The following ATG14 variants were observed in gnomAD, a reference collection of about 807,000 sequenced individuals.
ATG14 encodes the protein autophagy related 14.
ATG14 carries 35 observed loss-of-function variants against 60.4 expected under a neutral mutation model. The observed-to-expected ratio is 0.58, with a 90% CI of 0.44 to 0.77. The LOEUF (loss-of-function observed/expected upper bound fraction) is 0.77. Among genes scored for constraint, ATG14 ranks in the 30% least tolerant of loss-of-function variants. ATG14 has a pLI of 0.00. For synonymous variants in ATG14, 234 were observed against 228.8 expected (o/e 1.02, Z -0.21); for missense variants, 647 against 626.3 (o/e 1.03, Z -0.35).
intron 1 of ATG14, among the ~76,000 whole-genome samples, chr14:55,405,960 G>A (rs916973558): frequency 4.6e-5 from 7 of 152,092 alleles, no homozygotes; most frequent in South Asian, 2.1e-4. Context: ...GGGCAAGGTG[G>A]GGGATGAGGA....
rs557876290 is a variant in ATG14 at position 55,404,419 on chromosome 14, C to A, written c.222-6985G>T. ...GATGTGCCATCACTGCTCTGCCATG[C>A]GCAAGTAAGCACTCAATTTCCATCA... is the stretch of plus-strand genomic sequence containing the variant. On this transcript the variant is annotated intron_variant, in intron 1 of 9. Coordinates refer to ENST00000247178, the MANE Select transcript of ATG14 (RefSeq NM_014924.5). Among the ~76,000 whole-genome samples, 25 of 152,340 alleles carry A rather than the reference C, an allele frequency of 1.6e-4. 1 individual carries two copies. Among genetic ancestry groups the A allele is most frequent in the Admixed American group, 1.4e-3 (21 of 15,300 alleles).
At chr14:55,394,054 T>A (rs1885270696) in intron 3 of ATG14, among the ~76,000 whole-genome samples, 1 of 150,980 alleles carries the variant, frequency 6.6e-6, no homozygotes. Flanking sequence ...TCGCCCAGGC[T>A]GGAGTACAGT....
intron 9 of ATG14, among the ~76,000 whole-genome samples, chr14:55,372,780 C>T (rs1488804386): frequency 6.6e-6 from 1 of 152,126 alleles, no homozygotes; most frequent in Non-Finnish European, 1.5e-5. Flanking sequence ...CTTCTCCAAT[C>T]CTGGGGTCTT....
intron 9 of ATG14, among the ~76,000 whole-genome samples, chr14:55,370,307 G>C (rs1296103796): frequency 6.6e-6 from 1 of 152,096 alleles, no homozygotes; most frequent in Non-Finnish European, 1.5e-5. Flanking sequence ...CTAACAAAAA[G>C]CCACTTGATG....
At chr14:55,384,869 C>T (rs77876073) in intron 5 of ATG14, among the ~76,000 whole-genome samples, 5,041 of 152,252 alleles carry the variant, frequency 0.033, 131 homozygotes, top group Non-Finnish European at 0.05. Flanking sequence ...TCAGCAGCAG[C>T]ATCAGGGAAG....
chr14:55,405,891 G>A (rs1195961954), intron 1 of ATG14, among the ~76,000 whole-genome samples: 1 of 151,910 alleles, frequency 6.6e-6, no homozygotes, highest in Non-Finnish European at 1.5e-5. Flanking sequence ...TGGGGTGGCG[G>A]GGGGGGCAGG....
chr14:55,405,784 T>A (rs1885478770), intron 1 of ATG14, among the ~76,000 whole-genome samples: 1 of 152,114 alleles, frequency 6.6e-6, no homozygotes, highest in Non-Finnish European at 1.5e-5. Flanking sequence ...CTAATATCAT[T>A]CTTCTTCTTC....
intron 9 of ATG14, among the ~76,000 whole-genome samples, chr14:55,375,652 C>A (rs1179131559): frequency 1.3e-5 from 2 of 152,022 alleles, no homozygotes; most frequent in Non-Finnish European, 2.9e-5. Flanking sequence ...TTTGAACTAT[C>A]ATTTCAAACA....
chr14:55,407,288 G>A (rs571803489), intron 1 of ATG14, among the ~76,000 whole-genome samples: 3 of 152,122 alleles, frequency 2.0e-5, no homozygotes, highest in Non-Finnish European at 4.4e-5. Context: ...GTGCCACCAC[G>A]CCCAGCTAAT....
intron 3 of ATG14, among the ~76,000 whole-genome samples, chr14:55,393,397 A>G (rs531568500): frequency 5.3e-5 from 8 of 151,462 alleles, no homozygotes; most frequent in African/African-American, 1.9e-4. Flanking sequence ...AAAAAAGAGG[A>G]AAAAAAAAGA....
chr14:55,369,360 GTCC>G lies in ATG14; in HGVS notation c.*256_*258del, dbSNP rs899325942. The G allele has an allele frequency of 3.3e-6, 1 of 298,758 alleles. No individual in the cohort carries two copies. The highest frequency in any genetic ancestry group is 2.2e-5 in the African/African-American group (1 of 46,504). The allele number at this position is 298,758 out of a possible 1,614,324, so 18.5% of individuals were successfully genotyped here. ...TTGGCAGAACTGGCCACACGCACAGGTCCTCCTTCCACCAGCACTGGTCTGGGT... is the reference window on the plus strand; with the variant it reads ...TTGGCAGAACTGGCCACACGCACAGGTCCTTCCACCAGCACTGGTCTGGGT... On this transcript the variant is annotated 3_prime_UTR_variant, in exon 10 of 10. Coordinates refer to ENST00000247178, the MANE Select transcript of ATG14 (RefSeq NM_014924.5).
chr14:55,380,689 G>T lies in ATG14; in HGVS notation c.879C>A (p.Asp293Glu). 1 of 1,590,534 alleles carries T rather than the reference G, an allele frequency of 6.3e-7. No individual in the cohort carries two copies. Among genetic ancestry groups the T allele is most frequent in the Non-Finnish European group, 8.6e-7 (1 of 1,168,454 alleles). ...TGTAGGCAGGGTTACTCTGCTCCAT[G>T]TCTGCAGTAAGAAAACAACCACCAT... ...VEEKKTTQGPDMEQSNPAYTI... is the reference protein window; with the variant it reads ...VEEKKTTQGPEMEQSNPAYTI... Residue 293 changes from aspartate (D) to glutamate (E), a missense_variant and splice_region_variant, in exon 7 of 10, where the codon GAC (aspartate) becomes GAA (glutamate). Physicochemically the swap from Asp to Glu is conservative, Grantham distance 45. Coordinates refer to ENST00000247178, the MANE Select transcript of ATG14 (RefSeq NM_014924.5).
chr14:55,369,841 G>C lies in ATG14; in HGVS notation c.1257C>G (p.Ser419Arg). Residue 419 changes from serine (S) to arginine (R), a missense_variant, in exon 10 of 10, where the codon AGC becomes AGG. Transcript: ENST00000247178. ...CTTCATCGCTGACGCGCTCATCTCC[G>C]CTCTCATCTGATTCTCCAGCAACTC... ...DPGVAGESDE[S>R]GDERVSDEET... 1 of 1,614,072 alleles carries C rather than the reference G, an allele frequency of 6.2e-7. No homozygotes were observed. The highest frequency in any genetic ancestry group is 1.3e-5 in the African/African-American group (1 of 75,000).
At chr14:55,386,198 A>G (rs898961070) in intron 4 of ATG14, 102 bp from the exon 5 acceptor site, 5 of 996,614 alleles carry the variant, frequency 5.0e-6, no homozygotes, top group African/African-American at 1.6e-5. Context: ...TGCAATCTAA[A>G]CTGAAAGCAA....
intron 1 of ATG14, among the ~76,000 whole-genome samples, chr14:55,404,298 C>T (rs769434650): frequency 3.9e-5 from 6 of 152,316 alleles, no homozygotes; most frequent in African/African-American, 1.4e-4. Flanking sequence ...TGAAATCTCA[C>T]AATGACACCT....
chr14:55,403,547 T>C (rs1159376090), intron 1 of ATG14, among the ~76,000 whole-genome samples: 1 of 152,220 alleles, frequency 6.6e-6, no homozygotes, highest in Non-Finnish European at 1.5e-5. Flanking sequence ...TATAATCTTT[T>C]TTTTTTCATG....
intron 5 of ATG14, among the ~76,000 whole-genome samples, chr14:55,385,644 T>C (rs1442000405): frequency 6.6e-6 from 1 of 152,196 alleles, no homozygotes; most frequent in Non-Finnish European, 1.5e-5. Flanking sequence ...CTAGAAGCTC[T>C]AGGACAGTAC....
At chr14:55,408,555 C>T (rs1885524012) in intron 1 of ATG14, among the ~76,000 whole-genome samples, 1 of 152,088 alleles carries the variant, frequency 6.6e-6, no homozygotes, top group African/African-American at 2.4e-5. Context: ...GAGGACTGCT[C>T]AGCCCACAGG....
At chr14:55,380,982 T>C (rs1039086030) in intron 6 of ATG14, among the ~76,000 whole-genome samples, 12 of 149,902 alleles carry the variant, frequency 8.0e-5, no homozygotes, top group African/African-American at 1.2e-4. Flanking sequence ...GATAACGTAA[T>C]ATCAAAACAA....
Sources: allele counts gnomAD v4.1 joint callset (sites outside exome capture counted in the v4.1 genomes callset), GRCh38; gene constraint gnomAD v4.1.1; transcripts MANE v1.5; gene names NCBI Gene and HGNC (gene_info 2026-07-23, HGNC 2026-07-21).